Variants in VTI1A observed in about 807,000 individuals in gnomAD.
The protein encoded by VTI1A is vesicle transport through interaction with t-SNAREs 1A.
Under a neutral mutation model 34.9 loss-of-function variants are expected in VTI1A, and 22 were observed. The ratio of observed to expected loss-of-function variants is 0.63; its 90% confidence interval spans 0.45 to 0.90. The LOEUF is 0.90. Ranked by LOEUF, VTI1A falls within the 40% of genes least tolerant of loss-of-function variation. VTI1A has a pLI of 0.00. For missense variants in VTI1A, 268 were observed against 275.6 expected (o/e 0.97, Z 0.20); for synonymous variants, 87 against 97.3 (o/e 0.89, Z 0.62).
At chr10:112,624,940 T>C (rs1463925643) in intron 5 of VTI1A, among the ~76,000 whole-genome samples, 1 of 151,930 alleles carries the variant, frequency 6.6e-6, no homozygotes, top group African/African-American at 2.4e-5. Flanking sequence ...CTACAAAATA[T>C]TTAAAAAATT....
At chr10:112,742,703 A>T (rs2133978927) in intron 7 of VTI1A, among the ~76,000 whole-genome samples, 1 of 152,310 alleles carries the variant, frequency 6.6e-6, no homozygotes, top group South Asian at 2.1e-4. Context: ...AAAGATTTCT[A>T]GTTGGCATCT....
chr10:112,778,703 T>A (rs72824051), intron 7 of VTI1A, among the ~76,000 whole-genome samples: 189 of 96,910 alleles, frequency 2.0e-3, no homozygotes, highest in African/African-American at 6.0e-3. Context: ...CAGGAAAAAA[T>A]TTTTTTTTTA....
At chr10:112,691,499 T>C (rs1848615859) in intron 7 of VTI1A, among the ~76,000 whole-genome samples, 2 of 152,082 alleles carry the variant, frequency 1.3e-5, no homozygotes, top group African/African-American at 4.8e-5. Flanking sequence ...TCTTTCACAA[T>C]GATTAGGTTC....
chr10:112,555,847 G>T (rs1158063755), intron 5 of VTI1A, among the ~76,000 whole-genome samples: 1 of 151,942 alleles, frequency 6.6e-6, no homozygotes, highest in Non-Finnish European at 1.5e-5. Context: ...GATAATCATT[G>T]GACATGGTGG....
chr10:112,850,761 T>C, the VTI1A span, among the ~76,000 whole-genome samples: 1 of 152,208 alleles, frequency 6.6e-6, no homozygotes, highest in Non-Finnish European at 1.5e-5. Flanking sequence ...TGGGGCCCTT[T>C]GTTCAAAAAC....
At chr10:112,599,480 G>GA (rs1844802108) in intron 5 of VTI1A, among the ~76,000 whole-genome samples, 1 of 152,200 alleles carries the variant, frequency 6.6e-6, no homozygotes, top group African/African-American at 2.4e-5. Flanking sequence ...GTCCATGGTG[G>GA]ATGCCAAACG....
chr10:112,598,494 G>A (rs76669159), intron 5 of VTI1A, among the ~76,000 whole-genome samples: 4,180 of 152,290 alleles, frequency 0.027, 85 homozygotes, highest in Non-Finnish European at 0.042. Flanking sequence ...AATATTTAGA[G>A]GCCTTTGTAG....
intron 7 of VTI1A, among the ~76,000 whole-genome samples, chr10:112,771,613 G>A (rs1004148530): frequency 6.6e-6 from 1 of 152,104 alleles, no homozygotes; most frequent in Non-Finnish European, 1.5e-5. Flanking sequence ...GGTTTTTTTA[G>A]TATACTCTTA....
At chr10:112,784,800 A>C (rs966472059) in intron 7 of VTI1A, among the ~76,000 whole-genome samples, 7 of 152,242 alleles carry the variant, frequency 4.6e-5, no homozygotes, top group Non-Finnish European at 8.8e-5. Flanking sequence ...ATGCTAGTCA[A>C]AACGAAAAAA....
intron 7 of VTI1A, among the ~76,000 whole-genome samples, chr10:112,709,056 G>A (rs1456765967): frequency 1.3e-5 from 2 of 152,030 alleles, no homozygotes; most frequent in African/African-American, 4.8e-5. Flanking sequence ...TCCCGGGAGG[G>A]GTACGTGTCC....
At chr10:112,691,191 G>A (rs1169554089) in intron 7 of VTI1A, among the ~76,000 whole-genome samples, 1 of 151,828 alleles carries the variant, frequency 6.6e-6, no homozygotes, top group Non-Finnish European at 1.5e-5. Context: ...AACACAGGAG[G>A]TGTAGGTTGC....
At chr10:112,518,672 C>CACAT (rs1554894165) in intron 3 of VTI1A, among the ~76,000 whole-genome samples, 3 of 146,436 alleles carry the variant, frequency 2.0e-5, no homozygotes, top group African/African-American at 2.5e-5. Flanking sequence ...TATATATACA[C>CACAT]ACACACACAC....
chr10:112,705,989 C>T (rs1849183542), intron 7 of VTI1A, among the ~76,000 whole-genome samples: 1 of 152,162 alleles, frequency 6.6e-6, no homozygotes. Flanking sequence ...TGCTAATCTA[C>T]AGTTTACATT....
intron 5 of VTI1A, among the ~76,000 whole-genome samples, chr10:112,637,692 T>C (rs1846411568): frequency 6.6e-6 from 1 of 152,186 alleles, no homozygotes; most frequent in Admixed American, 6.5e-5. Flanking sequence ...AGACTCTCTT[T>C]TTCTTTAGCA....
chr10:112,658,150 C>G (rs1056349992), intron 5 of VTI1A, among the ~76,000 whole-genome samples: 6 of 152,096 alleles, frequency 3.9e-5, no homozygotes, highest in Admixed American at 1.3e-4. Context: ...TGCAGTGGCA[C>G]AGTCATAGCT....
chr10:112,618,514 T>TAGAGAGAGAG lies in VTI1A; in HGVS notation c.428-49703_428-49702insGAGAGAGAGA, dbSNP rs1418805647. Among the ~76,000 whole-genome samples the TAGAGAGAGAG allele has an allele frequency of 8.5e-3, 359 of 42,410 alleles. 3 individuals are homozygous for TAGAGAGAGAG. Among genetic ancestry groups the TAGAGAGAGAG allele is most frequent in the Non-Finnish European group, 0.01 (255 of 25,486 alleles). The allele number at this position is 42,410 out of a possible 152,430, so 27.8% of individuals were successfully genotyped here. A position where few individuals can be genotyped will look rare whatever the true frequency, so the allele number is the denominator to read the frequency against. On this transcript the variant is annotated intron_variant, in intron 5 of 7. Coordinates refer to ENST00000393077, the MANE Select transcript of VTI1A (RefSeq NM_145206.4). ...TTATATATATATATATATATATATA[T>TAGAGAGAGAG]ATATATATATAGAGAGAGAGAGAGA... is the stretch of plus-strand genomic sequence containing the variant.
chr10:112,644,598 T>G (rs1846702670), intron 5 of VTI1A, among the ~76,000 whole-genome samples: 1 of 152,188 alleles, frequency 6.6e-6, no homozygotes, highest in African/African-American at 2.4e-5. Context: ...GCCTGAGGTG[T>G]GGCATTTTAA....
At chr10:112,652,609 C>T (rs1847076333) in intron 5 of VTI1A, among the ~76,000 whole-genome samples, 1 of 151,614 alleles carries the variant, frequency 6.6e-6, no homozygotes, top group Admixed American at 6.6e-5. Context: ...CACTTGTGGT[C>T]CCAGCTACTG....
At chr10:112,594,874 C>A (rs1337101859) in intron 5 of VTI1A, among the ~76,000 whole-genome samples, 1 of 151,758 alleles carries the variant, frequency 6.6e-6, no homozygotes, top group East Asian at 1.9e-4. Flanking sequence ...GCCAAAAGAA[C>A]AAAGCTGGAG....
Sources: gnomAD v4.1 joint callset for allele counts (sites outside exome capture counted in the v4.1 genomes callset) on GRCh38, gnomAD v4.1.1 for gene constraint, MANE v1.5 for transcripts, NCBI Gene and HGNC (gene_info 2026-07-23, HGNC 2026-07-21) for gene names.